The following CA8 variants were observed in gnomAD, a reference collection of about 807,000 sequenced individuals.
CA8 encodes carbonic anhydrase-related protein.
CA8 carries 22 observed loss-of-function variants against 41.4 expected under a neutral mutation model. The observed-to-expected ratio is 0.53, with a 90% CI of 0.38 to 0.76. The LOEUF (loss-of-function observed/expected upper bound fraction) is 0.76. Ranked by LOEUF, CA8 falls within the 30% of genes least tolerant of loss-of-function variation. The pLI is 0.00. For missense variants in CA8, 270 were observed against 352.8 expected, an observed-to-expected ratio of 0.77 and a Z score of 1.88; for synonymous variants, 121 against 130.6, an observed-to-expected ratio of 0.93 and a Z score of 0.50.
At chr8:60,267,476 A>C (rs564354696) in intron 2 of CA8, among the ~76,000 whole-genome samples, 4 of 152,326 alleles carry the variant, frequency 2.6e-5, no homozygotes, top group Admixed American at 2.6e-4. Flanking sequence ...TCACACTGTC[A>C]TGTATGATTT....
chr8:60,264,087 A>G (rs1002237157), intron 3 of CA8, among the ~76,000 whole-genome samples: 3 of 152,236 alleles, frequency 2.0e-5, no homozygotes, highest in African/African-American at 7.2e-5. Flanking sequence ...AAAACAAACC[A>G]TTACCTGTGC....
intron 3 of CA8, among the ~76,000 whole-genome samples, chr8:60,236,877 G>A (rs1164424251): frequency 6.6e-6 from 1 of 152,188 alleles, no homozygotes; most frequent in African/African-American, 2.4e-5. Flanking sequence ...GGTCTGAATG[G>A]AAAAGCACAT....
chr8:60,241,917 A>G (rs1370845656), intron 3 of CA8, among the ~76,000 whole-genome samples: 1 of 152,222 alleles, frequency 6.6e-6, no homozygotes, highest in African/African-American at 2.4e-5. Context: ...ACAGTGAATC[A>G]GTGACTAATG....
chr8:60,210,082 G>T (rs1805962572), intron 7 of CA8, among the ~76,000 whole-genome samples: 1 of 152,190 alleles, frequency 6.6e-6, no homozygotes. Flanking sequence ...TACAGAAGGG[G>T]AAACTGAGGC....
chr8:60,266,327 G>C (rs891218589), intron 2 of CA8, among the ~76,000 whole-genome samples: 1 of 152,172 alleles, frequency 6.6e-6, no homozygotes, highest in African/African-American at 2.4e-5. Context: ...TTTCAGTCTA[G>C]AAGTAGACAA....
chr8:60,218,021 G>A (rs1807081543), intron 7 of CA8, among the ~76,000 whole-genome samples: 1 of 152,178 alleles, frequency 6.6e-6, no homozygotes, highest in African/African-American at 2.4e-5. Flanking sequence ...GAGGCTCAAT[G>A]AGGAAGTCTC....
chr8:60,211,071 G>A (rs901733100), intron 7 of CA8, among the ~76,000 whole-genome samples: 1 of 152,154 alleles, frequency 6.6e-6, no homozygotes, highest in African/African-American at 2.4e-5. Context: ...GTCGTGCTCT[G>A]CCACCTAAGA....
intron 2 of CA8, among the ~76,000 whole-genome samples, chr8:60,267,615 C>A (rs1197085112): frequency 6.6e-6 from 1 of 152,148 alleles, no homozygotes; most frequent in Non-Finnish European, 1.5e-5. Flanking sequence ...ATGTGACCTG[C>A]CACAGTCAGC....
Position 60,186,720 on chromosome 8 carries a change from C to T in CA8, c.*3301G>A, listed in dbSNP as rs1805975554. Among the ~76,000 whole-genome samples, 1 of 151,574 alleles carries T rather than the reference C, an allele frequency of 6.6e-6. No homozygotes were observed. The highest frequency in any genetic ancestry group is 1.5e-5 in the Non-Finnish European group (1 of 67,798). Reference sequence around the variant, plus strand: ...GAAAGTGAAAAGATGAAAAAAGATACATCATACAAATAGCAACTATAAGAA... The same window carrying T: ...GAAAGTGAAAAGATGAAAAAAGATATATCATACAAATAGCAACTATAAGAA... On this transcript the variant is annotated 3_prime_UTR_variant, in exon 9 of 9. Coordinates refer to ENST00000317995, the MANE Select transcript of CA8 (RefSeq NM_004056.6).
At chr8:60,274,609 T>A (rs992724921) in intron 2 of CA8, among the ~76,000 whole-genome samples, 3 of 152,164 alleles carry the variant, frequency 2.0e-5, no homozygotes, top group Non-Finnish European at 4.4e-5. Context: ...AAGAATGGGA[T>A]GAGGCTCTTA....
chr8:60,279,619 A>T, intron 2 of CA8, 70 bp downstream of exon 2: 1 of 1,308,724 alleles, frequency 7.6e-7, no homozygotes, highest in Non-Finnish European at 1.1e-6. Context: ...TGTGCAAGTT[A>T]AATCACAGTT....
chr8:60,228,019 T>C (rs545012775), intron 4 of CA8, among the ~76,000 whole-genome samples: 64 of 152,322 alleles, frequency 4.2e-4, no homozygotes, highest in Non-Finnish European at 5.7e-4. Context: ...TCCTTCCACA[T>C]AGATATTTGG....
chr8:60,237,936 T>TGAC (rs1807889371), intron 3 of CA8, among the ~76,000 whole-genome samples: 1 of 152,206 alleles, frequency 6.6e-6, no homozygotes, highest in Non-Finnish European at 1.5e-5. Context: ...GGCAGCATGA[T>TGAC]GACCATTATG....
At chr8:60,232,695 T>A (rs1807698032) in intron 3 of CA8, 4 of 396,592 alleles carry the variant, frequency 1.0e-5, no homozygotes, top group Non-Finnish European at 1.9e-5. Context: ...TCCTTTTGAA[T>A]CTCCATGAAA....
In CA8 at chr8:60,265,761, G is replaced by A. The variant is rs376036545; in HGVS notation, c.417+164C>T. The A allele has an allele frequency of 4.1e-6, 3 of 739,074 alleles. No individual in the cohort carries two copies. The South Asian group carries it at 5.3e-5, about 13-fold the overall frequency. The allele number at this position is 739,074 out of a possible 1,614,324, so 45.8% of individuals were successfully genotyped here. ...CACGAGAGTAGACAGGAGGTTTCAT[G>A]TGCTGCCCTAGGCTTCCATTGCATT... is the stretch of plus-strand genomic sequence containing the variant. On this transcript the variant is annotated intron_variant, in intron 3 of 8. Transcript: ENST00000317995.
intron 5 of CA8, among the ~76,000 whole-genome samples, chr8:60,226,322 T>C (rs1807436349): frequency 6.6e-6 from 1 of 152,126 alleles, no homozygotes; most frequent in African/African-American, 2.4e-5. Flanking sequence ...TGTTTCTGTG[T>C]GCCTGCAGCC....
At position 60,186,915 on chromosome 8, in the gene CA8, T is replaced by G. The variant is rs1805982109; in HGVS notation, c.*3106A>C. 6.6e-6 allele frequency among the ~76,000 whole-genome samples: 1 copy of G among 152,070 alleles called. No homozygotes were observed. Among genetic ancestry groups the G allele is most frequent in the South Asian group, 2.1e-4 (1 of 4,826 alleles). ...AGAATTCAATACACTACTTTCATAA[T>G]AGACAGAAATAGGCATATCAACAAG... On this transcript the variant is annotated 3_prime_UTR_variant, in exon 9 of 9. Coordinates refer to ENST00000317995, the MANE Select transcript of CA8 (RefSeq NM_004056.6).
intron 4 of CA8, among the ~76,000 whole-genome samples, chr8:60,231,413 G>A (rs144343339): frequency 6.6e-6 from 1 of 152,184 alleles, no homozygotes; most frequent in African/African-American, 2.4e-5. Flanking sequence ...ATTAAAAATT[G>A]TTGCAATTAA....
chr8:60,222,347 A>G (rs1306921094), intron 7 of CA8, among the ~76,000 whole-genome samples: 1 of 152,204 alleles, frequency 6.6e-6, no homozygotes, highest in Non-Finnish European at 1.5e-5. Context: ...CAGACTTTCC[A>G]TTCTCCACAC....
Sources: gnomAD v4.1 joint callset for allele counts (sites outside exome capture counted in the v4.1 genomes callset) on GRCh38, gnomAD v4.1.1 for gene constraint, MANE v1.5 for transcripts, NCBI Gene and HGNC (gene_info 2026-07-23, HGNC 2026-07-21) for gene names.